The following TTBK1 variants were observed in gnomAD, a reference collection of about 807,000 sequenced individuals.
TTBK1 encodes tau tubulin kinase 1.
In TTBK1, 34 loss-of-function variants were observed where a neutral mutation model predicts 108.5. That is an observed-to-expected ratio of 0.31 (90% confidence interval 0.24 to 0.42). The LOEUF (loss-of-function observed/expected upper bound fraction) is 0.42, where lower values mean the gene tolerates loss of function less well. TTBK1 is among the 10% of genes least tolerant of loss of function. The probability of loss-of-function intolerance (pLI) is 1.00; values close to 1 mark genes in which losing one functional copy is unlikely to be tolerated. For missense variants in TTBK1, 1,539 were observed against 1,826.0 expected (o/e 0.84, Z 2.86); for synonymous variants, 809 against 795.1 (o/e 1.02, Z -0.29).
In TTBK1 at chr6:43,257,904, C is replaced by T. The variant is rs754610795; in HGVS notation, c.954C>T (p.Leu318=). The change falls in exon 10 of 15, where the codon CTC becomes CTT. Residue 318 remains leucine (L), a synonymous_variant. Transcript: ENST00000259750. The surrounding 1 kb of genome is among the most constrained non-coding windows in gnomAD (Gnocchi z 4.5). The part of the protein sequence containing the change: ...FDWEKAGTDA[L]LSTSTSTPPQ... ...GGGAGAAGGCAGGCACCGATGCCCT[C>T]CTGTCCACGAGCACCTCTACCCCGC... 3 of 1,613,832 alleles carry T rather than the reference C, an allele frequency of 1.9e-6. No individual in the cohort carries two copies. The highest frequency in any genetic ancestry group is 2.5e-6 in the Non-Finnish European group (3 of 1,180,002).
intron 3 of TTBK1, 32 bp downstream of exon 3, chr6:43,252,918 A>G: frequency 6.2e-7 from 1 of 1,610,604 alleles, no homozygotes; most frequent in Non-Finnish European, 8.5e-7. Context: ...ATGGGAAGGA[A>G]GAGATGATGA....
At position 43,256,426 on chromosome 6, in the gene TTBK1, C is replaced by A. The variant is rs572947795; in HGVS notation, c.861+570C>A. Among the ~76,000 whole-genome samples, 15 of 151,354 alleles carry A rather than the reference C, an allele frequency of 9.9e-5. No individual in the cohort carries two copies. In the East Asian group the frequency reaches 3.0e-3, roughly 31 times the overall value. On this transcript the variant is annotated intron_variant, in intron 9 of 14. Transcript: ENST00000259750. ...GGGATTACAGGTGTGAGCCACTGTG[C>A]CCAGCCCCAGCTCTTAACAATTAAT... is the stretch of plus-strand genomic sequence containing the variant.
chr6:43,278,845 G>T (rs1479355880), intron 13 of TTBK1, among the ~76,000 whole-genome samples: 1 of 152,206 alleles, frequency 6.6e-6, no homozygotes, highest in Non-Finnish European at 1.5e-5. Flanking sequence ...AGAGCCAGAT[G>T]GGGGAAGGGC....
At chr6:43,270,262 G>A in intron 13 of TTBK1, 13 of 1,157,458 alleles carry the variant, frequency 1.1e-5, no homozygotes, top group Non-Finnish European at 1.4e-5. Context: ...TGGGTCCAGA[G>A]TCCAGTGGAA....
In TTBK1 at chr6:43,270,414, G is replaced by GGGGT. The variant is rs1554186808; in HGVS notation, c.1986+7065_1986+7066insGGTG. 3.8e-6 allele frequency: 3 copies of GGGGT among 797,294 alleles called. No individual in the cohort carries two copies. The African/African-American group carries it at 6.3e-5, about 17-fold the overall frequency. The allele number at this position is 797,294 out of a possible 1,614,324, so 49.4% of individuals were successfully genotyped here. On this transcript the variant is annotated intron_variant, in intron 13 of 14. Transcript: ENST00000259750. ...CGGGAGGCCAAGACCCTCCTTGCAT[G>GGGGT]GTGTGTGTGTGTGTGTGTGTGTGTG...
intron 2 of TTBK1, among the ~76,000 whole-genome samples, chr6:43,247,765 G>T (rs936952425): frequency 6.6e-6 from 1 of 152,138 alleles, no homozygotes; most frequent in Non-Finnish European, 1.5e-5. Context: ...GGGTCTCCAC[G>T]GCAACAGCCA....
chr6:43,251,586 A>G (rs1031845616), intron 2 of TTBK1, among the ~76,000 whole-genome samples: 1 of 152,150 alleles, frequency 6.6e-6, no homozygotes, highest in African/African-American at 2.4e-5. Context: ...CTGAGCTGAA[A>G]TGATTTTGAG....
At position 43,259,374 on chromosome 6, in the gene TTBK1, T is replaced by C; in HGVS notation, c.1248+105T>C. On this transcript the variant is annotated intron_variant, in intron 11 of 14. Transcript: ENST00000259750. This position sits in a 1 kb window ranked among gnomAD's most constrained non-coding sequence, Gnocchi z 6.7. ...CTCCTAAGCACCCTGTCCCCGGCCA[T>C]CTGCCTGCTTGCCCTGCCTCTGTTT... The C allele has an allele frequency of 4.0e-6, 5 of 1,264,794 alleles. No individual in the cohort carries two copies. In the South Asian group the frequency reaches 6.1e-5, roughly 15 times the overall value. The allele number at this position is 1,264,794 out of a possible 1,614,324, so 78.3% of individuals were successfully genotyped here.
At chr6:43,274,280 T>C (rs1777906742) in intron 13 of TTBK1, among the ~76,000 whole-genome samples, 1 of 152,156 alleles carries the variant, frequency 6.6e-6, no homozygotes, top group South Asian at 2.1e-4. Context: ...GACACAGCCC[T>C]GCCTAGTGGG....
rs936502383 is a variant in TTBK1, at chr6:43,269,984, G to T, written c.1986+6634G>T. 5.2e-5 allele frequency: 60 copies of T among 1,156,478 alleles called. No individual in the cohort carries two copies. The highest frequency in any genetic ancestry group is 8.2e-5 in the African/African-American group (5 of 60,948). The allele number at this position is 1,156,478 out of a possible 1,614,324, so 71.6% of individuals were successfully genotyped here. A position where few individuals can be genotyped will look rare whatever the true frequency, so the allele number is the denominator to read the frequency against. ...CCCCCCCCTCCTGGAGGGGGCAGGT[G>T]GGGGGGGGTGGGGAGCAGGCAGAGG... On this transcript the variant is annotated intron_variant, in intron 13 of 14. Coordinates refer to ENST00000259750, the MANE Select transcript of TTBK1 (RefSeq NM_032538.3). This position sits in a 1 kb window ranked among gnomAD's most constrained non-coding sequence, Gnocchi z 4.8.
intron 12 of TTBK1, 78 bp from the exon 13 acceptor site, chr6:43,262,711 C>A: frequency 1.4e-6 from 2 of 1,402,820 alleles, no homozygotes; most frequent in Non-Finnish European, 1.9e-6. Flanking sequence ...GGAGTCACGC[C>A]CCACCCTGCC....
intron 2 of TTBK1, chr6:43,248,224 G>A (rs1777151279): frequency 6.6e-6 from 1 of 152,200 alleles, no homozygotes. Flanking sequence ...CTGGGGGGAG[G>A]GCAAGCATGG....
At chr6:43,272,382 A>T in intron 13 of TTBK1, 1 of 985,460 alleles carries the variant, frequency 1.0e-6, no homozygotes, top group Non-Finnish European at 1.2e-6. Context: ...CTTCAGCCTC[A>T]TTTCAGCATT....
chr6:43,269,555 G>T lies in TTBK1; in HGVS notation c.1986+6205G>T, dbSNP rs898892329. 7.1e-7 allele frequency: 1 copy of T among 1,399,096 alleles called. No individual in the cohort carries two copies. 86.7% of individuals were successfully genotyped at this position (1,399,096 alleles called of 1,614,324 possible). A position where few individuals can be genotyped will look rare whatever the true frequency, so the allele number is the denominator to read the frequency against. Reference sequence around the variant, plus strand: ...TTGCCCGGGACGCCGGCGCCGCAGGGGCTGTGAGCGGTGGGTGGCCCCGGA... The same window carrying T: ...TTGCCCGGGACGCCGGCGCCGCAGGTGCTGTGAGCGGTGGGTGGCCCCGGA... On this transcript the variant is annotated intron_variant, in intron 13 of 14. Coordinates refer to ENST00000259750, the MANE Select transcript of TTBK1 (RefSeq NM_032538.3). The surrounding 1 kb of genome is among the most constrained non-coding windows in gnomAD (Gnocchi z 4.8).
rs1777488748 is a variant in TTBK1, at chr6:43,259,758, A to T, written c.1424+52A>T. The T allele has an allele frequency of 4.1e-6, 6 of 1,467,966 alleles. No homozygotes were observed. The highest frequency in any genetic ancestry group is 5.4e-6 in the Non-Finnish European group (6 of 1,103,350). The allele number at this position is 1,467,966 out of a possible 1,614,324, so 90.9% of individuals were successfully genotyped here. On this transcript the variant is annotated intron_variant, in intron 12 of 14. Coordinates refer to ENST00000259750, the MANE Select transcript of TTBK1 (RefSeq NM_032538.3). The surrounding 1 kb of genome is among the most constrained non-coding windows in gnomAD (Gnocchi z 6.7). ...GGGGCCCAAGGCCCTCTCCGCCTTCACGTGGCTGGTCTGGAGGAAAAGTTA... is the reference window on the plus strand; with the variant it reads ...GGGGCCCAAGGCCCTCTCCGCCTTCTCGTGGCTGGTCTGGAGGAAAAGTTA...
rs772236016 is a variant in TTBK1, at chr6:43,269,322, C to T, written c.1986+5972C>T. Among the ~76,000 whole-genome samples the T allele has an allele frequency of 1.3e-5, 2 of 152,188 alleles. No homozygotes were observed. The highest frequency in any genetic ancestry group is 2.9e-5 in the Non-Finnish European group (2 of 68,026). ...TCCTGAGAGAAAGGGTTCCCCAGTC[C>T]AGAACAACCCTGAGCTAGGTAGGAC... On this transcript the variant is annotated intron_variant, in intron 13 of 14. Coordinates refer to ENST00000259750, the MANE Select transcript of TTBK1 (RefSeq NM_032538.3). This position sits in a 1 kb window ranked among gnomAD's most constrained non-coding sequence, Gnocchi z 4.8.
chr6:43,253,804 T>A lies in TTBK1; in HGVS notation c.471+96T>A. On this transcript the variant is annotated intron_variant, in intron 5 of 14. Transcript: ENST00000259750. The surrounding 1 kb of genome is among the most constrained non-coding windows in gnomAD (Gnocchi z 5.8). ...CCTGGTTTCTCCTCTGCAACCATGG[T>A]TGGGACTTGTGATGGGACAGCCTCT... 6.9e-7 allele frequency: 1 copy of A among 1,457,360 alleles called. No individual in the cohort carries two copies. The allele number at this position is 1,457,360 out of a possible 1,614,324, so 90.3% of individuals were successfully genotyped here. A position where few individuals can be genotyped will look rare whatever the true frequency, so the allele number is the denominator to read the frequency against.
chr6:43,272,221 T>C, intron 13 of TTBK1: 1 of 985,316 alleles, frequency 1.0e-6, no homozygotes, highest in Non-Finnish European at 1.2e-6. Flanking sequence ...CAATCTGGGG[T>C]TGGATGAAAC....
intron 1 of TTBK1, among the ~76,000 whole-genome samples, chr6:43,244,996 A>C (rs1249296891): frequency 6.6e-6 from 1 of 152,206 alleles, no homozygotes; most frequent in African/African-American, 2.4e-5. Context: ...GATTGGAGGA[A>C]ACAGCTCAGC....
Sources: allele counts gnomAD v4.1 joint callset (sites outside exome capture counted in the v4.1 genomes callset), GRCh38; gene constraint gnomAD v4.1.1; non-coding constraint Gnocchi (gnomAD v3.1); transcripts MANE v1.5; gene names NCBI Gene and HGNC (gene_info 2026-07-23, HGNC 2026-07-21).